The following TSPAN15 variants were observed in gnomAD, a reference collection of about 807,000 sequenced individuals.
TSPAN15 encodes tetraspanin 15, also known as tetraspanin-15.
TSPAN15 carries 20 observed loss-of-function variants against 34.5 expected under a neutral mutation model. That is an observed-to-expected ratio of 0.58 (90% CI 0.41 to 0.84). TSPAN15 has a LOEUF of 0.84. Among genes scored for constraint, TSPAN15 ranks in the 40% least tolerant of loss-of-function variants. The pLI is 0.00. For missense variants in TSPAN15, 313 were observed against 386.1 expected (o/e 0.81, Z 1.59); for synonymous variants, 155 against 153.9 (o/e 1.01, Z -0.05).
intron 1 of TSPAN15, among the ~76,000 whole-genome samples, chr10:69,466,513 G>T (rs977290380): frequency 6.6e-6 from 1 of 152,138 alleles, no homozygotes; most frequent in Non-Finnish European, 1.5e-5. Context: ...ACTTGTGATT[G>T]TGTAGATCTT....
chr10:69,507,173 G>A lies in TSPAN15; in HGVS notation c.*195G>A. The A allele has an allele frequency of 1.4e-6, 2 of 1,425,066 alleles. No homozygotes were observed. Among genetic ancestry groups the A allele is most frequent in the South Asian group, 3.1e-5 (2 of 65,274 alleles). The allele number at this position is 1,425,066 out of a possible 1,614,324, so 88.3% of individuals were successfully genotyped here. On this transcript the variant is annotated 3_prime_UTR_variant, in exon 8 of 8. Coordinates refer to ENST00000373290, the MANE Select transcript of TSPAN15 (RefSeq NM_012339.5). The stretch of plus-strand genomic sequence containing the variant: ...GCAGAGCCTGGGCCTCCCCTAAGAG[G>A]CTTTCCCCGAGGCAGCTCTGGAATC...
chr10:69,499,868 G>T (rs575403215), intron 5 of TSPAN15, among the ~76,000 whole-genome samples: 35 of 152,250 alleles, frequency 2.3e-4, no homozygotes, highest in African/African-American at 8.2e-4. Context: ...ATCACCCCAG[G>T]GCGTTTGAGA....
intron 2 of TSPAN15, 140 bp downstream of exon 2, chr10:69,484,016 G>A (rs1841795638): frequency 2.4e-6 from 2 of 840,622 alleles, no homozygotes; most frequent in Non-Finnish European, 1.8e-6. Flanking sequence ...CAGCCCATCT[G>A]ACCACACTGG....
the TSPAN15 span, among the ~76,000 whole-genome samples, chr10:69,522,283 C>T: frequency 7.1e-6 from 1 of 141,782 alleles, no homozygotes; most frequent in South Asian, 2.2e-4. Flanking sequence ...ATCACTTGAG[C>T]CTGGGGAGGT....
At chr10:69,518,065 T>C in the TSPAN15 span, among the ~76,000 whole-genome samples, 1 of 152,354 alleles carries the variant, frequency 6.6e-6, no homozygotes, top group African/African-American at 2.4e-5. Context: ...AGACAGAATA[T>C]GTGTACTTCA....
At chr10:69,530,868 TCTC>T in the TSPAN15 span, among the ~76,000 whole-genome samples, 1 of 115,056 alleles carries the variant, frequency 8.7e-6, no homozygotes, top group Non-Finnish European at 1.8e-5. Context: ...ATGCAAACAT[TCTC>T]AGTGCACACA....
At chr10:69,504,563 A>C in intron 6 of TSPAN15, 78 bp downstream of exon 6, 1 of 1,467,316 alleles carries the variant, frequency 6.8e-7, no homozygotes, top group Non-Finnish European at 9.5e-7. Flanking sequence ...GGGTTTATTG[A>C]GGTCGGGGTC....
chr10:69,455,615 TC>T (rs1564595636), intron 1 of TSPAN15, among the ~76,000 whole-genome samples: 2 of 102,172 alleles, frequency 2.0e-5, no homozygotes, highest in African/African-American at 7.9e-5. Context: ...TTTCTCTCTC[TC>T]TCTCTCTCTC....
At chr10:69,531,794 A>G in the TSPAN15 span, among the ~76,000 whole-genome samples, 1 of 152,208 alleles carries the variant, frequency 6.6e-6, no homozygotes, top group Non-Finnish European at 1.5e-5. Context: ...AAAACATTCA[A>G]CAAAATCCAG....
chr10:69,497,043 C>CA (rs1304539837), intron 4 of TSPAN15, among the ~76,000 whole-genome samples: 3 of 152,188 alleles, frequency 2.0e-5, no homozygotes, highest in African/African-American at 7.2e-5. Context: ...GAGCTGCCAT[C>CA]CTTATTCTTG....
chr10:69,547,811 T>C, the TSPAN15 span, among the ~76,000 whole-genome samples: 1 of 152,212 alleles, frequency 6.6e-6, no homozygotes, highest in African/African-American at 2.4e-5. Flanking sequence ...CCCTGATGAC[T>C]TCTATTGCAG....
At chr10:69,454,865 T>C (rs1841049818) in intron 1 of TSPAN15, among the ~76,000 whole-genome samples, 1 of 151,876 alleles carries the variant, frequency 6.6e-6, no homozygotes, top group East Asian at 1.9e-4. Flanking sequence ...CATGGGCTTG[T>C]TACAAAATTT....
chr10:69,519,038 A>G, the TSPAN15 span, among the ~76,000 whole-genome samples: 2 of 152,244 alleles, frequency 1.3e-5, no homozygotes, highest in Non-Finnish European at 2.9e-5. Flanking sequence ...TGCGTGGAAT[A>G]GTATACAGCT....
intron 1 of TSPAN15, among the ~76,000 whole-genome samples, chr10:69,453,068 A>G (rs1841009370): frequency 1.3e-5 from 2 of 152,140 alleles, no homozygotes; most frequent in African/African-American, 4.8e-5. Context: ...TTTTCCATCT[A>G]GAAGACTAGT....
At chr10:69,521,897 ATCTC>A in the TSPAN15 span, among the ~76,000 whole-genome samples, 1 of 147,572 alleles carries the variant, frequency 6.8e-6, no homozygotes, top group Non-Finnish European at 1.5e-5. Context: ...TTTATTGTAT[ATCTC>A]TCTATATGAC....
chr10:69,496,177 TCACTA>T (rs1395823691), intron 4 of TSPAN15, among the ~76,000 whole-genome samples: 2 of 152,030 alleles, frequency 1.3e-5, no homozygotes, highest in African/African-American at 2.4e-5. Flanking sequence ...AGAAAGTTCT[TCACTA>T]ATTTCAGTTT....
the TSPAN15 span, among the ~76,000 whole-genome samples, chr10:69,513,701 A>G: frequency 5.9e-5 from 9 of 152,246 alleles, no homozygotes; most frequent in African/African-American, 2.2e-4. Flanking sequence ...TTACGTTACA[A>G]TTATGTAACG....
chr10:69,530,802 CTCTCTCTCTCTCTCTCTCTATATA>C, the TSPAN15 span, among the ~76,000 whole-genome samples: 4 of 65,992 alleles, frequency 6.1e-5, no homozygotes, highest in Admixed American at 2.1e-4. Flanking sequence ...CTCTCTCTCT[CTCTCTCTCTCTCTCTCTCTATATA>C]TATATATATA....
chr10:69,455,847 C>G (rs1404877747), intron 1 of TSPAN15, among the ~76,000 whole-genome samples: 2 of 151,938 alleles, frequency 1.3e-5, no homozygotes, highest in African/African-American at 4.8e-5. Context: ...GTGAACACAC[C>G]TGTACACTGA....
Sources: allele counts gnomAD v4.1 joint callset (sites outside exome capture counted in the v4.1 genomes callset), GRCh38; gene constraint gnomAD v4.1.1; transcripts MANE v1.5; gene names NCBI Gene and HGNC (gene_info 2026-07-23, HGNC 2026-07-21).